KCNN3: variants seen among roughly 807,000 people sequenced by gnomAD.
The protein encoded by KCNN3 is potassium calcium-activated channel subfamily N member 3.
Under a neutral mutation model 62.9 loss-of-function variants are expected in KCNN3, and 16 were observed. The observed-to-expected ratio is 0.25, with a 90% CI of 0.17 to 0.39. The LOEUF is 0.39. KCNN3 is among the 10% of genes least tolerant of loss of function. The probability of loss-of-function intolerance (pLI) is 1.00; values close to 1 mark genes in which losing one functional copy is unlikely to be tolerated. For missense variants in KCNN3, 599 were observed against 949.4 expected (o/e 0.63, Z 4.85); for synonymous variants, 370 against 389.2 (o/e 0.95, Z 0.58).
intron 2 of KCNN3, among the ~76,000 whole-genome samples, chr1:154,782,165 T>C (rs779214791): frequency 2.0e-5 from 3 of 152,126 alleles, no homozygotes; most frequent in Non-Finnish European, 4.4e-5. Flanking sequence ...ACCCAGATCA[T>C]TGGGACCTTG....
intron 2 of KCNN3, among the ~76,000 whole-genome samples, chr1:154,808,857 C>T (rs1167957266): frequency 1.3e-5 from 2 of 152,202 alleles, no homozygotes; most frequent in Non-Finnish European, 2.9e-5. Context: ...TTAGCTTCCT[C>T]CCCAGATGCA....
chr1:154,810,407 A>G (rs1407239072), intron 2 of KCNN3, among the ~76,000 whole-genome samples: 1 of 152,052 alleles, frequency 6.6e-6, no homozygotes, highest in Non-Finnish European at 1.5e-5. Context: ...AAGAAAGAAC[A>G]AGACCCAGTA....
At chr1:154,841,259 A>G (rs928364960) in intron 1 of KCNN3, among the ~76,000 whole-genome samples, 5 of 152,216 alleles carry the variant, frequency 3.3e-5, no homozygotes, top group Admixed American at 2.6e-4. Context: ...GAACACTGAA[A>G]TAATCACCTC....
chr1:154,808,781 G>A (rs565654892), intron 2 of KCNN3, among the ~76,000 whole-genome samples: 13 of 152,256 alleles, frequency 8.5e-5, no homozygotes, highest in South Asian at 4.2e-4. Context: ...CTCTCAAATC[G>A]ATATGGTTTC....
intron 1 of KCNN3, among the ~76,000 whole-genome samples, chr1:154,833,758 T>C (rs1222704152): frequency 3.3e-5 from 5 of 152,198 alleles, no homozygotes; most frequent in African/African-American, 7.2e-5. Context: ...CCTGTCTTAG[T>C]CCTCTCTCCA....
intron 3 of KCNN3, among the ~76,000 whole-genome samples, chr1:154,742,773 C>T (rs746409508): frequency 2.8e-4 from 43 of 152,302 alleles, no homozygotes; most frequent in Middle Eastern, 3.4e-3. Context: ...TGAATGTGCA[C>T]GGGCTCCATC....
At chr1:154,803,565 C>G (rs1650044195) in intron 2 of KCNN3, among the ~76,000 whole-genome samples, 2 of 152,198 alleles carry the variant, frequency 1.3e-5, no homozygotes, top group Non-Finnish European at 2.9e-5. Context: ...CCACTGTAGT[C>G]CCCAGGCAGA....
At chr1:154,774,471 C>T (rs936444371) in intron 2 of KCNN3, among the ~76,000 whole-genome samples, 4 of 152,262 alleles carry the variant, frequency 2.6e-5, no homozygotes, top group Non-Finnish European at 5.9e-5. Flanking sequence ...AATGAGAAGC[C>T]TCTAAAGTCT....
intron 4 of KCNN3, among the ~76,000 whole-genome samples, chr1:154,730,041 C>T (rs1700556743): frequency 6.6e-6 from 1 of 152,214 alleles, no homozygotes; most frequent in South Asian, 2.1e-4. Flanking sequence ...TTGGGGTCTT[C>T]CAGATGCCTA....
In KCNN3 at chr1:154,725,918, G is replaced by T. The variant is rs372547701; in HGVS notation, c.1699C>A (p.Arg567=). ...NFMMDTQLTK[R]IKNAAANVLR... ...GACATGGCTGTGTGGCATCTTACCC[G>T]CTTGGTGAGCTGAGTGTCCATCATG... The change falls in exon 5 of 8, where the codon CGG becomes AGG. Residue 567 remains arginine (R), a splice_region_variant and synonymous_variant. Coordinates refer to ENST00000271915, the MANE Select transcript of KCNN3 (RefSeq NM_002249.6). The T allele has an allele frequency of 1.6e-5, 26 of 1,612,170 alleles. No individual in the cohort carries two copies. The East Asian group carries it at 4.0e-4, about 25-fold the overall frequency.
In KCNN3 at chr1:154,794,408, G is replaced by A. The variant is rs144592300; in HGVS notation, c.1030-22015C>T. Among the ~76,000 whole-genome samples, 287 of 152,316 alleles carry A rather than the reference G, an allele frequency of 1.9e-3. 3 individuals are homozygous for A. The highest frequency in any genetic ancestry group is 6.8e-3 in the African/African-American group (282 of 41,560). ...CCTCAAAGGAGCTCAAGGTCCTGGT[G>A]GGAGAGACTCTCTTTGGCTCTCCAT... is the stretch of plus-strand genomic sequence containing the variant. On this transcript the variant is annotated intron_variant, in intron 2 of 7. Transcript: ENST00000271915.
chr1:154,831,473 A>G (rs1416194350), intron 1 of KCNN3, among the ~76,000 whole-genome samples: 4 of 152,192 alleles, frequency 2.6e-5, no homozygotes, highest in African/African-American at 9.7e-5. Flanking sequence ...CTTTTAAAAA[A>G]AGATCTCAGT....
At chr1:154,839,394 C>A (rs1022575012) in intron 1 of KCNN3, among the ~76,000 whole-genome samples, 1 of 152,222 alleles carries the variant, frequency 6.6e-6, no homozygotes, top group Non-Finnish European at 1.5e-5. Context: ...GACCATCTGT[C>A]TTCCAAATTC....
At chr1:154,745,148 T>C (rs1046032016) in intron 3 of KCNN3, among the ~76,000 whole-genome samples, 2 of 152,172 alleles carry the variant, frequency 1.3e-5, no homozygotes, top group Non-Finnish European at 2.9e-5. Context: ...ATAACGACGT[T>C]TTCCTCTACC....
intron 3 of KCNN3, among the ~76,000 whole-genome samples, chr1:154,743,222 G>A (rs1160281232): frequency 6.6e-6 from 1 of 151,546 alleles, no homozygotes; most frequent in Non-Finnish European, 1.5e-5. Flanking sequence ...ACCTGCTCCA[G>A]CCCCACCCTC....
intron 4 of KCNN3, among the ~76,000 whole-genome samples, chr1:154,730,704 G>T (rs1238232134): frequency 6.6e-6 from 1 of 152,180 alleles, no homozygotes; most frequent in Non-Finnish European, 1.5e-5. Flanking sequence ...GTATATTTAT[G>T]CACAGGGTTT....
chr1:154,784,362 C>G (rs1649185657), intron 2 of KCNN3, among the ~76,000 whole-genome samples: 1 of 152,190 alleles, frequency 6.6e-6, no homozygotes, highest in African/African-American at 2.4e-5. Flanking sequence ...CCAGCTGGCC[C>G]CTCTATCCCC....
chr1:154,848,581 G>C (rs554629030), intron 1 of KCNN3, among the ~76,000 whole-genome samples: 1 of 152,046 alleles, frequency 6.6e-6, no homozygotes, highest in East Asian at 1.9e-4. Flanking sequence ...CGGGCAGGGG[G>C]CTCCATGTCC....
intron 2 of KCNN3, among the ~76,000 whole-genome samples, chr1:154,787,114 T>C (rs1649314491): frequency 6.6e-6 from 1 of 152,116 alleles, no homozygotes; most frequent in Non-Finnish European, 1.5e-5. Flanking sequence ...TTGTGAAAAA[T>C]ACTTCCAGGG....
Sources: allele counts gnomAD v4.1 joint callset (sites outside exome capture counted in the v4.1 genomes callset), GRCh38; gene constraint gnomAD v4.1.1; transcripts MANE v1.5; gene names NCBI Gene and HGNC (gene_info 2026-07-23, HGNC 2026-07-21).